The following GALNT2 variants were observed in gnomAD, a reference collection of about 807,000 sequenced individuals.
GALNT2 encodes polypeptide N-acetylgalactosaminyltransferase 2, also known as UDP-GalNAc:polypeptide N-acetylgalactosaminyltransferase 2.
GALNT2 carries 31 observed loss-of-function variants against 81.4 expected under a neutral mutation model. The observed-to-expected ratio is 0.38, with a 90% CI of 0.29 to 0.51. The LOEUF (loss-of-function observed/expected upper bound fraction) is 0.51. GALNT2 is among the 20% of genes least tolerant of loss of function. The pLI, the probability that GALNT2 is intolerant of heterozygous loss-of-function variation, is 0.87. For synonymous variants in GALNT2, 303 were observed against 287.4 expected, an observed-to-expected ratio of 1.05 and a Z score of -0.55; for missense variants, 629 against 765.7, an observed-to-expected ratio of 0.82 and a Z score of 2.11.
chr1:230,073,112 A>G (rs1412889680), intron 1 of GALNT2, among the ~76,000 whole-genome samples: 4 of 152,164 alleles, frequency 2.6e-5, no homozygotes, highest in African/African-American at 9.7e-5. Flanking sequence ...TGGGTCTGGG[A>G]TAGGCTGGGC....
At chr1:230,075,315 A>G (rs1659508606) in intron 1 of GALNT2, among the ~76,000 whole-genome samples, 1 of 151,838 alleles carries the variant, frequency 6.6e-6, no homozygotes, top group Admixed American at 6.6e-5. Flanking sequence ...TAATAGAGAC[A>G]GGGTTTCACC....
intron 1 of GALNT2, among the ~76,000 whole-genome samples, chr1:230,082,655 G>A (rs548707370): frequency 7.7e-4 from 118 of 152,354 alleles, no homozygotes; most frequent in African/African-American, 2.8e-3. Context: ...CATATAAATT[G>A]TGGACAAAGC....
At chr1:230,253,936 A>T (rs1029998542) in intron 10 of GALNT2, among the ~76,000 whole-genome samples, 3 of 151,966 alleles carry the variant, frequency 2.0e-5, no homozygotes, top group African/African-American at 7.3e-5. Context: ...TTCTGTTCTT[A>T]CTTCACTTAA....
intron 2 of GALNT2, among the ~76,000 whole-genome samples, chr1:230,191,476 T>C (rs1008194880): frequency 2.0e-5 from 3 of 152,228 alleles, no homozygotes; most frequent in African/African-American, 7.2e-5. Flanking sequence ...GAGACTTCTG[T>C]TTCTTTTATT....
chr1:230,143,177 T>C (rs1661802941), intron 1 of GALNT2, among the ~76,000 whole-genome samples: 1 of 152,208 alleles, frequency 6.6e-6, no homozygotes, highest in Non-Finnish European at 1.5e-5. Context: ...ATTCTGGGAA[T>C]TGGGGTACTG....
intron 14 of GALNT2, among the ~76,000 whole-genome samples, chr1:230,273,016 C>T (rs1666194805): frequency 6.6e-6 from 1 of 152,132 alleles, no homozygotes; most frequent in Admixed American, 6.5e-5. Context: ...AAGCAGTTCT[C>T]CCGCCTTGGC....
chr1:230,094,556 T>C (rs563267573), intron 1 of GALNT2, among the ~76,000 whole-genome samples: 3 of 152,252 alleles, frequency 2.0e-5, no homozygotes, highest in East Asian at 1.9e-4. Context: ...GAGAATCACT[T>C]GAACCCGGGA....
At chr1:230,268,699 T>C (rs1327355496) in intron 14 of GALNT2, among the ~76,000 whole-genome samples, 3 of 152,036 alleles carry the variant, frequency 2.0e-5, no homozygotes, top group East Asian at 3.9e-4. Flanking sequence ...CCTGTGGAGG[T>C]GGCAGGTCTA....
intron 14 of GALNT2, among the ~76,000 whole-genome samples, chr1:230,268,064 T>C (rs951934453): frequency 7.2e-5 from 11 of 152,166 alleles, no homozygotes; most frequent in African/African-American, 2.7e-4. Flanking sequence ...AGCAGTGAGC[T>C]TGGGGAGAGA....
chr1:230,155,248 T>G lies in GALNT2; in HGVS notation c.127-22970T>G, dbSNP rs534171363. 1.4e-4 allele frequency among the ~76,000 whole-genome samples: 21 copies of G among 152,346 alleles called. No individual in the cohort carries two copies. The South Asian group carries it at 4.1e-3, about 30-fold the overall frequency. On this transcript the variant is annotated intron_variant, in intron 1 of 15. Coordinates refer to ENST00000366672, the MANE Select transcript of GALNT2 (RefSeq NM_004481.5). ...TCACCGTTTGGGGCCTGCATGGGGT[T>G]GTGAGAGCCCTTGTGCTGGCTCCTG...
intron 3 of GALNT2, among the ~76,000 whole-genome samples, chr1:230,209,151 C>T (rs1214788876): frequency 6.6e-6 from 1 of 152,174 alleles, no homozygotes; most frequent in Non-Finnish European, 1.5e-5. Flanking sequence ...AAAGCCATCA[C>T]CTCCTGAGCC....
At chr1:230,167,961 AC>A (rs5781575) in intron 1 of GALNT2, among the ~76,000 whole-genome samples, 20 of 151,632 alleles carry the variant, frequency 1.3e-4, no homozygotes, top group South Asian at 8.3e-4. Flanking sequence ...TTTCTAAAAT[AC>A]CCCCCCCTTT....
chr1:230,236,647 TTTC>T lies in GALNT2; in HGVS notation c.542-10_542-8del. On this transcript the variant is annotated splice_polypyrimidine_tract_variant and intron_variant, in intron 5 of 15. Coordinates refer to ENST00000366672, the MANE Select transcript of GALNT2 (RefSeq NM_004481.5). ...TCCAGGTTCAAAATGCTCTGCTTCT[TTTC>T]TTTTCCTAGCTGAGGACGGGGCTCT... 6.2e-7 allele frequency: 1 copy of T among 1,607,570 alleles called. No homozygotes were observed. Among genetic ancestry groups the T allele is most frequent in the Non-Finnish European group, 8.5e-7 (1 of 1,178,360 alleles).
intron 1 of GALNT2, among the ~76,000 whole-genome samples, chr1:230,139,919 A>G (rs1314125272): frequency 1.3e-5 from 2 of 152,178 alleles, no homozygotes; most frequent in South Asian, 2.1e-4. Context: ...CTGGTCATTC[A>G]GGTTGTACAT....
intron 1 of GALNT2, among the ~76,000 whole-genome samples, chr1:230,138,395 C>T (rs951385469): frequency 2.6e-5 from 4 of 151,896 alleles, no homozygotes; most frequent in African/African-American, 4.8e-5. Context: ...CATGGTGGTG[C>T]GTGCCTGTAA....
Position 230,070,413 on chromosome 1 carries a change from C to T in GALNT2, c.126+3007C>T, listed in dbSNP as rs1659337487. ...CCGCAGAAGAGAGGAAGGGATTTCT[C>T]TGGAAATGAAGCTGCCTGTGGGTGA... On this transcript the variant is annotated intron_variant, in intron 1 of 15. Coordinates refer to ENST00000366672, the MANE Select transcript of GALNT2 (RefSeq NM_004481.5). The surrounding 1 kb of genome is among the most constrained non-coding windows in gnomAD (Gnocchi z 4.7). Among the ~76,000 whole-genome samples, 1 of 152,098 alleles carries T rather than the reference C, an allele frequency of 6.6e-6. No homozygotes were observed. The highest frequency in any genetic ancestry group is 1.5e-5 in the Non-Finnish European group (1 of 68,030).
rs1663048800 is a variant in GALNT2, at chr1:230,178,249, AG to A, written c.159del (p.Asp55ThrfsTer87). ...EDWNEIDPIK[K>X]KDLHHSNGEE... ...TGGAATGAAATTGACCCCATTAAAA[AG>A]AAAGACCTTCATCACAGCAATGGAG... On this transcript the variant is annotated frameshift_variant, in exon 2 of 16. Transcript: ENST00000366672. LOFTEE classifies it high-confidence loss of function. 1.1e-5 allele frequency: 17 copies of A among 1,614,036 alleles called. No individual in the cohort carries two copies. The highest frequency in any genetic ancestry group is 1.4e-5 in the Non-Finnish European group (17 of 1,179,992).
chr1:230,250,183 C>G (rs970055500), intron 9 of GALNT2, among the ~76,000 whole-genome samples: 2 of 152,206 alleles, frequency 1.3e-5, no homozygotes, highest in African/African-American at 4.8e-5. Flanking sequence ...TGATCCAGCC[C>G]CAGCAGTCGC....
At chr1:230,128,500 G>A (rs1053055879) in intron 1 of GALNT2, among the ~76,000 whole-genome samples, 1 of 151,998 alleles carries the variant, frequency 6.6e-6, no homozygotes, top group African/African-American at 2.4e-5. Context: ...GTGCACCAGG[G>A]ATGGAGCCAC....
Sources: gnomAD v4.1 joint callset for allele counts (sites outside exome capture counted in the v4.1 genomes callset) on GRCh38, gnomAD v4.1.1 for gene constraint, Gnocchi (gnomAD v3.1) non-coding constraint, MANE v1.5 for transcripts, NCBI Gene and HGNC (gene_info 2026-07-23, HGNC 2026-07-21) for gene names.